Variants in SRRM4 observed in about 807,000 individuals in gnomAD.
SRRM4 encodes the protein serine/arginine repetitive matrix 4, also known as serine/arginine repetitive matrix protein 4.
In SRRM4, 33 loss-of-function variants were observed where a neutral mutation model predicts 68.9. The observed-to-expected ratio is 0.48, with a 90% CI of 0.36 to 0.64. SRRM4 has a LOEUF of 0.64. Ranked by LOEUF, SRRM4 falls within the 30% of genes least tolerant of loss-of-function variation. The pLI is 0.00. For missense variants in SRRM4, 817 were observed against 827.1 expected (o/e 0.99, Z 0.15); for synonymous variants, 318 against 318.8 (o/e 1.00, Z 0.03).
At chr12:119,045,484 G>A (rs959780776) in intron 1 of SRRM4, among the ~76,000 whole-genome samples, 2 of 23,460 alleles carry the variant, frequency 8.5e-5, no homozygotes, top group African/African-American at 1.5e-4. Flanking sequence ...CCACTCCCCC[G>A]CTCCCCCCCG....
chr12:118,990,405 G>C (rs1324001246), intron 1 of SRRM4, among the ~76,000 whole-genome samples: 1 of 152,128 alleles, frequency 6.6e-6, no homozygotes, highest in Non-Finnish European at 1.5e-5. Flanking sequence ...ACTGTTTCAG[G>C]GTTCGGCATT....
intron 8 of SRRM4, among the ~76,000 whole-genome samples, chr12:119,137,724 C>T (rs1954339859): frequency 6.6e-6 from 1 of 151,488 alleles, no homozygotes; most frequent in South Asian, 2.1e-4. Context: ...TCATGAAAAA[C>T]ATTTTGTATT....
chr12:119,047,359 T>G (rs1165889383), intron 1 of SRRM4, among the ~76,000 whole-genome samples: 1 of 152,192 alleles, frequency 6.6e-6, no homozygotes, highest in African/African-American at 2.4e-5. Context: ...AATAGGTTTT[T>G]GGGGAACAGG....
In SRRM4 at chr12:119,156,936, G is replaced by C; in HGVS notation, c.*138G>C. Reference sequence around the variant, plus strand: ...TTCCTGCTTGCCTAGGGGAAGAGGAGAAGAGGGTAAGGGGGCTTCACTCTC... The same window carrying C: ...TTCCTGCTTGCCTAGGGGAAGAGGACAAGAGGGTAAGGGGGCTTCACTCTC... On this transcript the variant is annotated 3_prime_UTR_variant, in exon 13 of 13. Coordinates refer to ENST00000267260, the MANE Select transcript of SRRM4 (RefSeq NM_194286.4). The C allele has an allele frequency of 8.8e-7, 1 of 1,133,466 alleles. No homozygotes were observed. Among genetic ancestry groups the C allele is most frequent in the Non-Finnish European group, 1.2e-6 (1 of 824,800 alleles). 70.2% of individuals were successfully genotyped at this position (1,133,466 alleles called of 1,614,324 possible). A position where few individuals can be genotyped will look rare whatever the true frequency, so the allele number is the denominator to read the frequency against.
rs1701105847 is a variant in SRRM4 at position 118,981,779 on chromosome 12, G to A, written c.-104G>A. 1 of 1,379,784 alleles carries A rather than the reference G, an allele frequency of 7.2e-7. No homozygotes were observed. Among genetic ancestry groups the A allele is most frequent in the African/African-American group, 1.5e-5 (1 of 68,938 alleles). 85.5% of individuals were successfully genotyped at this position (1,379,784 alleles called of 1,614,324 possible). ...TCTCTCCCACCCCACCCCTCTCTGG[G>A]TTTCACCCGGACAGAGCCGGGAGCT... On this transcript the variant is annotated 5_prime_UTR_variant, in exon 1 of 13. Coordinates refer to ENST00000267260, the MANE Select transcript of SRRM4 (RefSeq NM_194286.4).
chr12:119,048,437 T>C (rs549065808), intron 1 of SRRM4, among the ~76,000 whole-genome samples: 1 of 152,270 alleles, frequency 6.6e-6, no homozygotes, highest in Admixed American at 6.5e-5. Flanking sequence ...TAAACATGAA[T>C]TGTGAGCTCT....
At chr12:119,124,830 T>TA (rs140712170) in intron 6 of SRRM4, among the ~76,000 whole-genome samples, 6,334 of 151,178 alleles carry the variant, frequency 0.042, 441 homozygotes, top group African/African-American at 0.14. Context: ...AAGGTGCCTT[T>TA]AAAAAAAAAT....
intron 1 of SRRM4, among the ~76,000 whole-genome samples, chr12:119,080,310 C>T (rs7315433): frequency 0.57 from 86,894 of 151,840 alleles, 25,862 homozygotes; most frequent in Middle Eastern, 0.76. Flanking sequence ...GTCTTCACAG[C>T]ATTGTGGTGA....
Position 119,114,346 on chromosome 12 carries a change from C to T in SRRM4, c.347C>T (p.Thr116Ile). The T allele has an allele frequency of 3.1e-6, 5 of 1,608,670 alleles. No individual in the cohort carries two copies. The highest frequency in any genetic ancestry group is 1.7e-4 in the Middle Eastern group (1 of 6,058). ...GGAAAGAAGAAAAAGAAGAAATCCA[C>T]TCGGAAGAAGAGAAGGAGGTAAGAG... is the stretch of plus-strand genomic sequence containing the variant. The part of the protein sequence containing the change: ...SRGKKKKKKS[T>I]RKKRRRSSSY... Residue 116 changes from threonine (T) to isoleucine (I), a missense_variant, in exon 3 of 13, where the codon ACT becomes ATT. Physicochemically the swap from Thr to Ile is moderately conservative, Grantham distance 89. Coordinates refer to ENST00000267260, the MANE Select transcript of SRRM4 (RefSeq NM_194286.4).
rs1473786372 is a variant in SRRM4, at chr12:119,161,456, T to C, written c.*4658T>C. The C allele has an allele frequency of 6.6e-6, 1 of 152,266 alleles. No individual in the cohort carries two copies. Among genetic ancestry groups the C allele is most frequent in the Non-Finnish European group, 1.5e-5 (1 of 68,048 alleles). The allele number at this position is 152,266 out of a possible 1,614,324, so 9.4% of individuals were successfully genotyped here. ...TCATCTCTCTTCTATCTGTGGTTGC[T>C]GTTTTTGGAGTAAAAGTTTCTGTGT... On this transcript the variant is annotated 3_prime_UTR_variant, in exon 13 of 13. Coordinates refer to ENST00000267260, the MANE Select transcript of SRRM4 (RefSeq NM_194286.4).
intron 8 of SRRM4, among the ~76,000 whole-genome samples, chr12:119,135,014 G>C (rs1452489780): frequency 6.6e-6 from 1 of 152,150 alleles, no homozygotes; most frequent in Non-Finnish European, 1.5e-5. Context: ...ACAGTTATTT[G>C]AAGTAGGTGC....
intron 1 of SRRM4, among the ~76,000 whole-genome samples, chr12:119,005,080 C>CT (rs1953407962): frequency 6.6e-6 from 1 of 152,238 alleles, no homozygotes; most frequent in Non-Finnish European, 1.5e-5. Flanking sequence ...AAAACTTTTA[C>CT]AACAGGCTCA....
intron 1 of SRRM4, among the ~76,000 whole-genome samples, chr12:119,074,242 T>C (rs12369571): frequency 0.57 from 86,838 of 151,922 alleles, 25,815 homozygotes; most frequent in Middle Eastern, 0.76. Context: ...ATTTCTGATG[T>C]TCCTGTCCCC....
rs1158714615 is a variant in SRRM4 at position 119,154,698 on chromosome 12, C to T, written c.1532+315C>T. ...GGAGGTGGAGCTGGGGCCGGGGAGGCGGAGCTGGGGGAGAGAGTGGCGTCA... is the reference window on the plus strand; with the variant it reads ...GGAGGTGGAGCTGGGGCCGGGGAGGTGGAGCTGGGGGAGAGAGTGGCGTCA... On this transcript the variant is annotated intron_variant, in intron 12 of 12. Coordinates refer to ENST00000267260, the MANE Select transcript of SRRM4 (RefSeq NM_194286.4). The surrounding 1 kb of genome is among the most constrained non-coding windows in gnomAD (Gnocchi z 4.7). Among the ~76,000 whole-genome samples, 1 of 151,824 alleles carries T rather than the reference C, an allele frequency of 6.6e-6. No individual in the cohort carries two copies. Among genetic ancestry groups the T allele is most frequent in the East Asian group, 1.9e-4 (1 of 5,168 alleles).
chr12:119,151,205 C>T lies in SRRM4; in HGVS notation c.1265C>T (p.Thr422Ile). ...CCCAGGTACACCCAAAGCCGATCCA[C>T]CTCTTCTGAAAAAAGGTGAGTGTGG... ...ASPRYTQSRS[T>I]SSEKRSYSRS... The change falls in exon 10 of 13, where the codon ACC becomes ATC. Residue 422 changes from threonine to isoleucine, a missense_variant. Physicochemically the swap from Thr to Ile is moderately conservative, Grantham distance 89. Transcript: ENST00000267260. The T allele has an allele frequency of 6.2e-7, 1 of 1,613,958 alleles. No homozygotes were observed. Among genetic ancestry groups the T allele is most frequent in the Non-Finnish European group, 8.5e-7 (1 of 1,179,836 alleles).
chr12:119,136,946 C>T (rs966032416), intron 8 of SRRM4, among the ~76,000 whole-genome samples: 8 of 152,244 alleles, frequency 5.3e-5, no homozygotes, highest in African/African-American at 9.6e-5. Flanking sequence ...CCACAATGCC[C>T]GGCACATCTC....
rs571466867 is a variant in SRRM4 at position 119,127,602 on chromosome 12, C to G, written c.614+2123C>G. On this transcript the variant is annotated intron_variant, in intron 7 of 12. Coordinates refer to ENST00000267260, the MANE Select transcript of SRRM4 (RefSeq NM_194286.4). ...AATTAGCCAGGTGTGGTGGTGGGCA[C>G]CTGTAATCCCAGCTACTCGGGAGGC... 2.6e-5 allele frequency among the ~76,000 whole-genome samples: 4 copies of G among 152,026 alleles called. No homozygotes were observed. The South Asian group carries it at 8.3e-4, about 32-fold the overall frequency.
chr12:119,041,087 T>C (rs1374081863), intron 1 of SRRM4, among the ~76,000 whole-genome samples: 2 of 152,130 alleles, frequency 1.3e-5, no homozygotes, highest in African/African-American at 4.8e-5. Context: ...TATCCAGGCA[T>C]CATGTTAAGT....
intron 1 of SRRM4, among the ~76,000 whole-genome samples, chr12:119,045,299 G>A (rs556301979): frequency 1.7e-5 from 1 of 59,468 alleles, no homozygotes; most frequent in South Asian, 6.3e-4. Flanking sequence ...ACCCACCCCC[G>A]CCCCTTCCTC....
Sources: gnomAD v4.1 joint callset for allele counts (sites outside exome capture counted in the v4.1 genomes callset) on GRCh38, gnomAD v4.1.1 for gene constraint, Gnocchi (gnomAD v3.1) non-coding constraint, MANE v1.5 for transcripts, NCBI Gene and HGNC (gene_info 2026-07-23, HGNC 2026-07-21) for gene names.